The following OR4N2 variants were observed in gnomAD, a reference collection of about 807,000 sequenced individuals.
OR4N2 encodes olfactory receptor 4N2.
For missense variants in OR4N2, 307 were observed against 377.6 expected (o/e 0.81, Z 1.55); for synonymous variants, 141 against 140.4 (o/e 1.00, Z -0.03).
chr14:19,826,859 G>A (rs893789756), intron 1 of OR4N2, among the ~76,000 whole-genome samples: 1 of 152,166 alleles, frequency 6.6e-6, no homozygotes, highest in Non-Finnish European at 1.5e-5. Flanking sequence ...GAACAGTCTG[G>A]GAAAAGAGTA....
chr14:19,812,216 G>A (rs776792538), intron 1 of OR4N2, among the ~76,000 whole-genome samples: 12 of 151,642 alleles, frequency 7.9e-5, no homozygotes, highest in Non-Finnish European at 1.3e-4. Flanking sequence ...AAAGTGTTAA[G>A]GGTATAAAAA....
chr14:19,813,253 A>G (rs1485131759), intron 1 of OR4N2, among the ~76,000 whole-genome samples: 3 of 152,062 alleles, frequency 2.0e-5, no homozygotes, highest in Non-Finnish European at 4.4e-5. Flanking sequence ...TCCTTTCTCT[A>G]TTTTCCTCTG....
At chr14:19,806,113 C>T (rs1245684439) in intron 1 of OR4N2, among the ~76,000 whole-genome samples, 2 of 152,108 alleles carry the variant, frequency 1.3e-5, no homozygotes, top group Admixed American at 6.5e-5. Context: ...CATCTGCTGC[C>T]ACAAAAACAC....
In OR4N2 at chr14:19,828,502, AG is replaced by A. The variant is rs1292206813; in HGVS notation, c.*131del. 1 of 957,428 alleles carries A rather than the reference AG, an allele frequency of 1.0e-6. No homozygotes were observed. The highest frequency in any genetic ancestry group is 1.7e-5 in the African/African-American group (1 of 59,348). The allele number at this position is 957,428 out of a possible 1,614,324, so 59.3% of individuals were successfully genotyped here. ...CAGGACTATTCTGGGAACTGAAAAA[AG>A]AAATTACTGAGGCAGATAAGGTCCA... is the stretch of plus-strand genomic sequence containing the variant. On this transcript the variant is annotated 3_prime_UTR_variant, in exon 2 of 2. Coordinates refer to ENST00000557677, the MANE Select transcript of OR4N2 (RefSeq NM_001004723.3).
At chr14:19,813,383 G>C (rs1879348867) in intron 1 of OR4N2, among the ~76,000 whole-genome samples, 1 of 152,258 alleles carries the variant, frequency 6.6e-6, no homozygotes, top group Non-Finnish European at 1.5e-5. Context: ...TGGCTTGTGG[G>C]TAGTAAGAAG....
intron 1 of OR4N2, among the ~76,000 whole-genome samples, chr14:19,823,803 A>T (rs1879625058): frequency 6.6e-6 from 1 of 152,256 alleles, no homozygotes; most frequent in Admixed American, 6.5e-5. Context: ...ACCAGAAAAA[A>T]AAAAAGAAAA....
intron 1 of OR4N2, among the ~76,000 whole-genome samples, chr14:19,826,748 C>A (rs923994832): frequency 6.6e-6 from 1 of 152,242 alleles, no homozygotes; most frequent in African/African-American, 2.4e-5. Flanking sequence ...AAGCTGCATG[C>A]AGGTGTGGAG....
rs1354274688 is a variant in OR4N2, at chr14:19,829,783, T to A, written c.*1411T>A. 1 of 152,292 alleles carries A rather than the reference T, an allele frequency of 6.6e-6. No homozygotes were observed. The highest frequency in any genetic ancestry group is 1.5e-5 in the Non-Finnish European group (1 of 68,058). The allele number at this position is 152,292 out of a possible 1,614,324, so 9.4% of individuals were successfully genotyped here. On this transcript the variant is annotated 3_prime_UTR_variant, in exon 2 of 2. Transcript: ENST00000557677. ...TCAAAAATTGAGTTTTAAAATATTT[T>A]ATTTTTGATAATCGCCAAAGTTTAT...
intron 1 of OR4N2, among the ~76,000 whole-genome samples, chr14:19,819,694 G>T (rs543134598): frequency 3.5e-4 from 54 of 152,354 alleles, no homozygotes; most frequent in African/African-American, 1.2e-3. Flanking sequence ...CTGTCAACTT[G>T]TCAAACTCAT....
intron 1 of OR4N2, among the ~76,000 whole-genome samples, chr14:19,811,547 C>G (rs1337617615): frequency 5.3e-5 from 8 of 152,246 alleles, no homozygotes; most frequent in African/African-American, 1.9e-4. Context: ...TGCCTGGCTA[C>G]ACATAAAATT....
At chr14:19,818,567 T>C (rs555388723) in intron 1 of OR4N2, among the ~76,000 whole-genome samples, 9 of 152,312 alleles carry the variant, frequency 5.9e-5, no homozygotes, top group African/African-American at 2.2e-4. Flanking sequence ...ATTTTGAGCC[T>C]ATGTGTGTCT....
chr14:19,824,972 G>A (rs34426491), intron 1 of OR4N2, among the ~76,000 whole-genome samples: 7,531 of 151,432 alleles, frequency 0.05, 157 homozygotes, highest in Non-Finnish European at 0.074. Flanking sequence ...TTGTTCAAGC[G>A]TCGACTGTAG....
At chr14:19,817,097 A>T (rs1223106167) in intron 1 of OR4N2, among the ~76,000 whole-genome samples, 1 of 152,208 alleles carries the variant, frequency 6.6e-6, no homozygotes, top group Non-Finnish European at 1.5e-5. Flanking sequence ...GTTTGCCAGT[A>T]TTTTATTGAG....
chr14:19,821,260 C>T (rs1285646207), intron 1 of OR4N2, among the ~76,000 whole-genome samples: 1 of 152,240 alleles, frequency 6.6e-6, no homozygotes, highest in Non-Finnish European at 1.5e-5. Context: ...GGGCTGCACC[C>T]ACTGTCTAAC....
At chr14:19,811,188 G>A (rs140016252) in intron 1 of OR4N2, among the ~76,000 whole-genome samples, 1,858 of 152,134 alleles carry the variant, frequency 0.012, 46 homozygotes, top group Admixed American at 0.081. Context: ...ATTTTGCATT[G>A]CAAGGATTTT....
chr14:19,827,392 T>C, intron 1 of OR4N2, 48 bp from the exon 2 acceptor site: 3 of 1,478,172 alleles, frequency 2.0e-6, no homozygotes, highest in Non-Finnish European at 2.7e-6. Flanking sequence ...AGTATCTAGT[T>C]GGAAGACATA....
At chr14:19,805,339 T>C (rs1158696169) in intron 1 of OR4N2, among the ~76,000 whole-genome samples, 1 of 152,190 alleles carries the variant, frequency 6.6e-6, no homozygotes, top group Admixed American at 6.5e-5. Context: ...ATCCAATCCA[T>C]GGAATCCAGC....
At chr14:19,819,468 C>A (rs985650427) in intron 1 of OR4N2, among the ~76,000 whole-genome samples, 1 of 152,212 alleles carries the variant, frequency 6.6e-6, no homozygotes, top group African/African-American at 2.4e-5. Context: ...TTCTTCCGCT[C>A]CATCGATTTG....
chr14:19,811,488 C>T (rs7143053), intron 1 of OR4N2, among the ~76,000 whole-genome samples: 8,189 of 151,504 alleles, frequency 0.054, 217 homozygotes, highest in African/African-American at 0.14. Context: ...CCTCGTGATC[C>T]GCCCTCCTAG....
Sources: allele counts gnomAD v4.1 joint callset (sites outside exome capture counted in the v4.1 genomes callset), GRCh38; gene constraint gnomAD v4.1.1; transcripts MANE v1.5; gene names NCBI Gene and HGNC (gene_info 2026-07-23, HGNC 2026-07-21).